CIC: variants seen among roughly 807,000 people sequenced by gnomAD.
CIC encodes the protein protein capicua homolog.
Under a neutral mutation model 115.7 loss-of-function variants are expected in CIC, and 18 were observed. The observed-to-expected ratio is 0.16, with a 90% CI of 0.11 to 0.23. The LOEUF is 0.23. Among genes scored for constraint, CIC ranks in the 10% least tolerant of loss-of-function variants. CIC has a pLI of 1.00. For missense variants in CIC, 2,000 were observed against 2,159.3 expected (o/e 0.93, Z 1.46); for synonymous variants, 1,076 against 923.0 (o/e 1.17, Z -3.01).
intron 15 of CIC, 46 bp downstream of exon 15, chr19:42,292,905 G>A (rs773230502): frequency 1.2e-6 from 2 of 1,613,950 alleles, no homozygotes; most frequent in Non-Finnish European, 1.7e-6. Context: ...GGGGACCCAG[G>A]GGATGGGCTC....
chr19:42,292,525 G>T, intron 14 of CIC, 41 bp from the exon 15 acceptor site: 1 of 1,612,004 alleles, frequency 6.2e-7, no homozygotes, highest in Non-Finnish European at 8.5e-7. Flanking sequence ...GGCAGTCCGG[G>T]CCCTAACTTG....
chr19:42,295,142 A>AGGGGG lies in CIC; in HGVS notation c.7506_7507insGGGGG (p.Pro2503GlyfsTer28). On this transcript the variant is annotated frameshift_variant, in exon 21 of 21. Coordinates refer to ENST00000681038, the MANE Select transcript of CIC (RefSeq NM_001386298.1). LOFTEE classifies it high-confidence loss of function. ...CAGCCTGGCTGGGAGGGGGCTCCCC[A>AGGGGG]GCCCTCCCCCCCACCCCCAGGTCCC... The AGGGGG allele has an allele frequency of 8.9e-6, 5 of 558,782 alleles. No individual in the cohort carries two copies. The highest frequency in any genetic ancestry group is 2.1e-5 in the African/African-American group (1 of 46,852). The allele number at this position is 558,782 out of a possible 1,614,324, so 34.6% of individuals were successfully genotyped here.
In CIC at chr19:42,280,934, A is replaced by C. The variant is rs1599867564; in HGVS notation, c.2795-5837A>C. On this transcript the variant is annotated intron_variant, in intron 2 of 20. Transcript: ENST00000681038. The surrounding 1 kb of genome is among the most constrained non-coding windows in gnomAD (Gnocchi z 4.9). ...CTCAACCCCCCCACCCCCGCATCCC[A>C]CCCATCTCCCAATCCCTGGGGACCA... Among the ~76,000 whole-genome samples, 1 of 43,686 alleles carries C rather than the reference A, an allele frequency of 2.3e-5. No homozygotes were observed. The highest frequency in any genetic ancestry group is 4.8e-5 in the Non-Finnish European group (1 of 21,018). The allele number at this position is 43,686 out of a possible 152,430, so 28.7% of individuals were successfully genotyped here. A position where few individuals can be genotyped will look rare whatever the true frequency, so the allele number is the denominator to read the frequency against.
At chr19:42,289,783 G>T (rs914139523) in intron 9 of CIC, 65 bp from the exon 10 acceptor site, 8 of 1,344,592 alleles carry the variant, frequency 5.9e-6, no homozygotes, top group Non-Finnish European at 8.3e-6. Flanking sequence ...CCAGGCTCCA[G>T]ACTGTTTCTC....
intron 7 of CIC, 130 bp downstream of exon 7, chr19:42,288,105 T>A: frequency 9.6e-7 from 1 of 1,041,060 alleles, no homozygotes; most frequent in Non-Finnish European, 1.4e-6. Flanking sequence ...GCGACCCTTA[T>A]CCGTAAAGGA....
At position 42,287,482 on chromosome 19, in the gene CIC, C is replaced by T. The variant is rs745452217; in HGVS notation, c.3309+33C>T. 11 of 1,612,078 alleles carry T rather than the reference C, an allele frequency of 6.8e-6. No individual in the cohort carries two copies. The highest frequency in any genetic ancestry group is 1.3e-5 in the African/African-American group (1 of 74,922). On this transcript the variant is annotated intron_variant, in intron 5 of 20. Coordinates refer to ENST00000681038, the MANE Select transcript of CIC (RefSeq NM_001386298.1). This position sits in a 1 kb window ranked among gnomAD's most constrained non-coding sequence, Gnocchi z 8.7. Reference sequence around the variant, plus strand: ...ATCCCTGCCTGTCCTGTGCTCACCCCGTGGCCACCCACACCTGTCTGCCAG... The same window carrying T: ...ATCCCTGCCTGTCCTGTGCTCACCCTGTGGCCACCCACACCTGTCTGCCAG...
chr19:42,284,858 G>A lies in CIC; in HGVS notation c.2795-1913G>A, dbSNP rs1037954893. The A allele has an allele frequency of 2.5e-6, 3 of 1,184,608 alleles. No homozygotes were observed. The Admixed American group carries it at 6.0e-5, about 24-fold the overall frequency. 73.4% of individuals were successfully genotyped at this position (1,184,608 alleles called of 1,614,324 possible). Reference sequence around the variant, plus strand: ...TAACGGTGGTGGGGGTATAGTAGGGGAGAGAACAGTAGAGGCAGAGTAAAG... The same window carrying A: ...TAACGGTGGTGGGGGTATAGTAGGGAAGAGAACAGTAGAGGCAGAGTAAAG... On this transcript the variant is annotated intron_variant, in intron 2 of 20. Coordinates refer to ENST00000681038, the MANE Select transcript of CIC (RefSeq NM_001386298.1).
chr19:42,282,829 A>G (rs2037322098), intron 2 of CIC, among the ~76,000 whole-genome samples: 1 of 139,698 alleles, frequency 7.2e-6, no homozygotes, highest in South Asian at 2.6e-4. Context: ...CCCAGCACAC[A>G]GCAGCCCCAG....
intron 7 of CIC, among the ~76,000 whole-genome samples, chr19:42,288,358 C>T (rs1599899067): frequency 1.3e-5 from 2 of 152,144 alleles, no homozygotes; most frequent in South Asian, 2.1e-4. Flanking sequence ...GAATGTAAAC[C>T]CCAGTTCGGC....
chr19:42,281,907 C>T (rs752453935), intron 2 of CIC, among the ~76,000 whole-genome samples: 2 of 152,174 alleles, frequency 1.3e-5, no homozygotes, highest in Non-Finnish European at 2.9e-5. Flanking sequence ...CAACAGAAGT[C>T]GGGGATCTGG....
rs749763926 is a variant in CIC at position 42,292,097 on chromosome 19, G to A, written c.5625G>A (p.Leu1875=). ...GAQPPSKIIQ[L]TPVPVSTPSG... is the part of the protein sequence containing the mutation. Reference sequence around the variant, plus strand: ...GCCCTTCTCCACAGATCATCCAGCTGACCCCGGTGCCTGTGAGCACACCCA... The same window carrying A: ...GCCCTTCTCCACAGATCATCCAGCTAACCCCGGTGCCTGTGAGCACACCCA... Residue 1875 remains leucine (L), a synonymous_variant, in exon 13 of 21, where the codon CTG becomes CTA. Coordinates refer to ENST00000681038, the MANE Select transcript of CIC (RefSeq NM_001386298.1). 125 of 1,613,830 alleles carry A rather than the reference G, an allele frequency of 7.7e-5. No homozygotes were observed. Among genetic ancestry groups the A allele is most frequent in the Admixed American group, 1.5e-4 (9 of 60,028 alleles).
At position 42,290,921 on chromosome 19, in the gene CIC, C is replaced by T. The variant is rs900599610; in HGVS notation, c.4880C>T (p.Pro1627Leu). 1.2e-6 allele frequency: 2 copies of T among 1,613,590 alleles called. No individual in the cohort carries two copies. The highest frequency in any genetic ancestry group is 1.1e-5 in the South Asian group (1 of 91,088). Residue 1627 changes from proline to leucine, a missense_variant, in exon 11 of 21, where the codon CCT becomes CTT. Pro to Leu is a moderately conservative substitution (Grantham distance 98). Coordinates refer to ENST00000681038, the MANE Select transcript of CIC (RefSeq NM_001386298.1). ...RTEMGTGSRV[P>L]GGSPLGVSLV... is the part of the protein sequence containing the mutation. Reference sequence around the variant, plus strand: ...GAAATGGGCACTGGGTCTCGGGTGCCTGGGGGCTCCCCGCTGGGTGTCAGC... The same window carrying T: ...GAAATGGGCACTGGGTCTCGGGTGCTTGGGGGCTCCCCGCTGGGTGTCAGC...
Position 42,292,752 on chromosome 19 carries a change from C to G in CIC, c.6089C>G (p.Thr2030Ser). The change falls in exon 15 of 21, where the codon ACT becomes AGT. Residue 2030 changes from threonine to serine, a missense_variant. This residue lies in a region of CIC where 1,466 missense variants were observed against 1,390.4 expected (regional missense o/e 1.05). Transcript: ENST00000681038. ...CAGGCCCCCCCAAGCCTGGTCTACA[C>G]TGTGGCCACCAGCACAACCCCACCT... is the stretch of plus-strand genomic sequence containing the variant. ...PSQAPPSLVY[T>S]VATSTTPPAA... The G allele has an allele frequency of 3.7e-6, 6 of 1,613,810 alleles. No individual in the cohort carries two copies. The highest frequency in any genetic ancestry group is 5.1e-6 in the Non-Finnish European group (6 of 1,179,956).
At chr19:42,279,429 G>A (rs768033145) in intron 2 of CIC, among the ~76,000 whole-genome samples, 8 of 152,218 alleles carry the variant, frequency 5.3e-5, no homozygotes, top group Non-Finnish European at 1.0e-4. Flanking sequence ...CATGGGGGCT[G>A]ATAAGGGAGG....
intron 9 of CIC, among the ~76,000 whole-genome samples, 194 bp from the exon 10 acceptor site, chr19:42,289,654 C>G (rs151324406): frequency 2.6e-5 from 4 of 152,340 alleles, no homozygotes; most frequent in Non-Finnish European, 4.4e-5. Flanking sequence ...GGGGCTCTGT[C>G]CTGCAGGCTC....
Position 42,287,216 on chromosome 19 carries a change from A to G in CIC, c.3155A>G (p.Glu1052Gly), listed in dbSNP as rs2147184424. 1 of 1,613,850 alleles carries G rather than the reference A, an allele frequency of 6.2e-7. No homozygotes were observed. Residue 1052 changes from glutamate (E) to glycine (G), a missense_variant, in exon 4 of 21, where the codon GAG becomes GGG. Physicochemically the swap from Glu to Gly is moderately conservative, Grantham distance 98. Transcript: ENST00000681038. This position sits in a 1 kb window ranked among gnomAD's most constrained non-coding sequence, Gnocchi z 8.7. ...CCAGGAGAGCCCCGGCTGGACAGTG[A>G]GACAGAGAGTGACCATGATGATGCG... ...GPPGEPRLDS[E>G]TESDHDDAFL...
chr19:42,276,958 C>T (rs1026916717), intron 2 of CIC, among the ~76,000 whole-genome samples: 13 of 152,172 alleles, frequency 8.5e-5, no homozygotes, highest in African/African-American at 3.1e-4. Flanking sequence ...TTGAGGCCAG[C>T]CAGCCAGTGA....
Position 42,292,661 on chromosome 19 carries a change from G to A in CIC, c.5998G>A (p.Val2000Ile). ...TGCCTGTGCAGCCCCCGGAGGTCCT[G>A]TCATAACAGCATTTTACTCTGGCAG... ...PPACAAPGGP[V>I]ITAFYSGSPA... The change falls in exon 15 of 21, where the codon GTC becomes ATC. Residue 2000 changes from valine to isoleucine, a missense_variant. By Grantham distance (29) the Val-to-Ile change is conservative. Transcript: ENST00000681038. The A allele has an allele frequency of 3.1e-6, 5 of 1,613,842 alleles. No homozygotes were observed. The highest frequency in any genetic ancestry group is 4.2e-6 in the Non-Finnish European group (5 of 1,179,978).
intron 2 of CIC, among the ~76,000 whole-genome samples, chr19:42,286,069 G>T (rs1248950964): frequency 6.6e-6 from 1 of 152,232 alleles, no homozygotes; most frequent in African/African-American, 2.4e-5. Context: ...AGGGGCTGAT[G>T]GGGAAGGGAG....
Sources: gnomAD v4.1 joint callset for allele counts (sites outside exome capture counted in the v4.1 genomes callset) on GRCh38, gnomAD v4.1.1 for gene constraint, gnomAD v4.1.1 regional missense constraint, Gnocchi (gnomAD v3.1) non-coding constraint, MANE v1.5 for transcripts, NCBI Gene and HGNC (gene_info 2026-07-23, HGNC 2026-07-21) for gene names.